GRID2: variants seen among roughly 807,000 people sequenced by gnomAD.
The protein encoded by GRID2 is glutamate receptor ionotropic, delta-2.
GRID2 carries 33 observed loss-of-function variants against 114.8 expected under a neutral mutation model. The ratio of observed to expected loss-of-function variants is 0.29; its 90% confidence interval spans 0.22 to 0.38. The LOEUF (loss-of-function observed/expected upper bound fraction) is 0.38, where lower values mean the gene tolerates loss of function less well. Among genes scored for constraint, GRID2 ranks in the 10% least tolerant of loss-of-function variants. The pLI is 1.00. For missense variants in GRID2, 1,184 were observed against 1,257.7 expected, an observed-to-expected ratio of 0.94 and a Z score of 0.89; for synonymous variants, 505 against 449.9, an observed-to-expected ratio of 1.12 and a Z score of -1.55.
intron 9 of GRID2, among the ~76,000 whole-genome samples, chr4:93,416,153 C>T (rs1767682062): frequency 6.6e-6 from 1 of 151,846 alleles, no homozygotes; most frequent in Non-Finnish European, 1.5e-5. Flanking sequence ...ACTGCTGTTC[C>T]TTATTTTGTT....
intron 2 of GRID2, among the ~76,000 whole-genome samples, chr4:92,922,485 C>T (rs907397923): frequency 1.3e-5 from 2 of 152,074 alleles, no homozygotes; most frequent in East Asian, 1.9e-4. Flanking sequence ...GCCATCTCTC[C>T]ACCCCCCCAG....
intron 2 of GRID2, among the ~76,000 whole-genome samples, chr4:92,608,983 T>C (rs368431270): frequency 9.6e-4 from 145 of 151,714 alleles, no homozygotes; most frequent in Non-Finnish European, 1.8e-3. Flanking sequence ...AATTTGTTGT[T>C]TAGCAAATAA....
At chr4:93,754,810 G>T (rs1433123631) in intron 14 of GRID2, among the ~76,000 whole-genome samples, 1 of 152,146 alleles carries the variant, frequency 6.6e-6, no homozygotes, top group Non-Finnish European at 1.5e-5. Flanking sequence ...TTATGCAAGG[G>T]TTGGGGTAAA....
intron 2 of GRID2, among the ~76,000 whole-genome samples, chr4:93,076,687 G>A (rs892044417): frequency 1.4e-5 from 2 of 142,382 alleles, no homozygotes; most frequent in African/African-American, 2.7e-5. Flanking sequence ...GCGCAATCTC[G>A]GTTCACTGCA....
chr4:93,583,688 T>G (rs1237908756), intron 13 of GRID2, among the ~76,000 whole-genome samples: 1 of 152,118 alleles, frequency 6.6e-6, no homozygotes, highest in Admixed American at 6.6e-5. Flanking sequence ...ATAACAAAAT[T>G]TCTCTCTCTT....
chr4:92,723,843 C>T (rs539355940), intron 2 of GRID2, among the ~76,000 whole-genome samples: 4 of 152,226 alleles, frequency 2.6e-5, no homozygotes, highest in South Asian at 2.1e-4. Context: ...ACAACAAAGT[C>T]GGCTACTTCT....
chr4:93,041,104 TAAATA>T (rs1725475080), intron 2 of GRID2, among the ~76,000 whole-genome samples: 1 of 152,130 alleles, frequency 6.6e-6, no homozygotes, highest in African/African-American at 2.4e-5. Flanking sequence ...TTTCAATAAA[TAAATA>T]AAATATTATT....
At chr4:92,983,886 T>C (rs1403623589) in intron 2 of GRID2, among the ~76,000 whole-genome samples, 4 of 152,108 alleles carry the variant, frequency 2.6e-5, no homozygotes, top group Non-Finnish European at 5.9e-5. Flanking sequence ...TTCTTTTAGG[T>C]CTAGTGAACT....
intron 1 of GRID2, among the ~76,000 whole-genome samples, chr4:92,445,840 C>G (rs771555923): frequency 6.6e-6 from 1 of 152,330 alleles, no homozygotes; most frequent in South Asian, 2.1e-4. Flanking sequence ...ATTTTTAGCT[C>G]TGCTATTGTT....
chr4:93,439,190 A>G (rs1170290914), intron 10 of GRID2, among the ~76,000 whole-genome samples: 1 of 152,130 alleles, frequency 6.6e-6, no homozygotes, highest in African/African-American at 2.4e-5. Context: ...TCCTTTGGGT[A>G]TATACCCAGT....
intron 9 of GRID2, among the ~76,000 whole-genome samples, chr4:93,401,408 A>G (rs1026071623): frequency 3.9e-5 from 6 of 152,094 alleles, no homozygotes; most frequent in Non-Finnish European, 8.8e-5. Flanking sequence ...TTGCAATTGT[A>G]ATTAGCACCA....
intron 1 of GRID2, among the ~76,000 whole-genome samples, chr4:92,315,697 A>G (rs1297641413): frequency 6.6e-6 from 1 of 152,112 alleles, no homozygotes; most frequent in Non-Finnish European, 1.5e-5. Context: ...CTGGCCATGC[A>G]CGGTGGCTCA....
At chr4:93,040,824 T>C (rs1212797841) in intron 2 of GRID2, among the ~76,000 whole-genome samples, 1 of 152,120 alleles carries the variant, frequency 6.6e-6, no homozygotes, top group Non-Finnish European at 1.5e-5. Context: ...TGTTATAAAA[T>C]TTTAAGAAAT....
intron 2 of GRID2, among the ~76,000 whole-genome samples, chr4:92,833,129 G>A (rs1742231668): frequency 6.6e-6 from 1 of 152,172 alleles, no homozygotes; most frequent in South Asian, 2.1e-4. Flanking sequence ...AGGAGCCACA[G>A]CAATGCAGGA....
intron 8 of GRID2, among the ~76,000 whole-genome samples, chr4:93,317,977 T>C (rs1045168153): frequency 1.3e-5 from 1 of 79,140 alleles, no homozygotes; most frequent in African/African-American, 4.3e-5. Context: ...TCTTTCCCTT[T>C]AAAAGTGAAA....
intron 2 of GRID2, among the ~76,000 whole-genome samples, chr4:93,065,119 G>T (rs1341783231): frequency 2.6e-5 from 4 of 151,808 alleles, no homozygotes; most frequent in Non-Finnish European, 4.4e-5. Flanking sequence ...ATATTTTTGA[G>T]ATCATACTAG....
At chr4:93,028,785 A>G (rs967699323) in intron 2 of GRID2, among the ~76,000 whole-genome samples, 13 of 152,206 alleles carry the variant, frequency 8.5e-5, no homozygotes, top group African/African-American at 2.4e-4. Flanking sequence ...TTAGGCCTAG[A>G]AAATGAGGTA....
At chr4:92,575,264 T>G (rs963868917) in intron 1 of GRID2, among the ~76,000 whole-genome samples, 8 of 152,238 alleles carry the variant, frequency 5.3e-5, no homozygotes, top group African/African-American at 1.9e-4. Flanking sequence ...AACATGCTCC[T>G]TTAGCTCAGC....
intron 1 of GRID2, among the ~76,000 whole-genome samples, chr4:92,419,552 G>A (rs748933999): frequency 1.3e-5 from 2 of 152,114 alleles, no homozygotes; most frequent in Non-Finnish European, 2.9e-5. Context: ...GTCATATCTC[G>A]TGTTTCTGGT....
Sources: gnomAD v4.1 joint callset for allele counts (sites outside exome capture counted in the v4.1 genomes callset) on GRCh38, gnomAD v4.1.1 for gene constraint, MANE v1.5 for transcripts, NCBI Gene and HGNC (gene_info 2026-07-23, HGNC 2026-07-21) for gene names.